ANXA6: variants seen among roughly 807,000 people sequenced by gnomAD.
ANXA6 encodes the protein 67 kDa calelectrin.
Under a neutral mutation model 95.4 loss-of-function variants are expected in ANXA6, and 71 were observed. That is an observed-to-expected ratio of 0.74 (90% CI 0.61 to 0.91). ANXA6 has a LOEUF of 0.91. ANXA6 is among the 40% of genes least tolerant of loss of function. ANXA6 has a pLI of 0.00. For synonymous variants in ANXA6, 289 were observed against 315.9 expected (o/e 0.91, Z 0.90); for missense variants, 830 against 876.4 (o/e 0.95, Z 0.67).
chr5:151,118,292 C>A (rs930091461), intron 18 of ANXA6, among the ~76,000 whole-genome samples: 1 of 150,212 alleles, frequency 6.7e-6, no homozygotes, highest in Non-Finnish European at 1.5e-5. Flanking sequence ...CAGGGTCTCA[C>A]TCTGTCACCC....
intron 20 of ANXA6, among the ~76,000 whole-genome samples, chr5:151,111,863 A>C (rs1764859216): frequency 6.6e-6 from 1 of 151,942 alleles, no homozygotes; most frequent in Non-Finnish European, 1.5e-5. Flanking sequence ...ATCTCAGCTC[A>C]CTGCAACCTC....
chr5:151,115,462 G>A (rs1302971590), intron 20 of ANXA6, among the ~76,000 whole-genome samples: 1 of 152,144 alleles, frequency 6.6e-6, no homozygotes, highest in Non-Finnish European at 1.5e-5. Flanking sequence ...CTTTTGCGAA[G>A]CAGCTGTCAG....
intron 22 of ANXA6, 81 bp from the exon 23 acceptor site, chr5:151,108,631 C>G (rs1489751610): frequency 1.7e-6 from 2 of 1,206,040 alleles, no homozygotes; most frequent in East Asian, 2.3e-5. Flanking sequence ...CCACCCAGTG[C>G]CTCCCACAGG....
At chr5:151,150,992 T>A (rs1766093810) in intron 1 of ANXA6, 1 of 152,270 alleles carries the variant, frequency 6.6e-6, no homozygotes, top group African/African-American at 2.4e-5. Context: ...CAGGCCCATC[T>A]GGAGGAGCTC....
At chr5:151,108,390 T>C (rs1211028846) in intron 23 of ANXA6, 65 bp downstream of exon 23, 4 of 1,457,754 alleles carry the variant, frequency 2.7e-6, no homozygotes, top group African/African-American at 1.4e-5. Flanking sequence ...CAAGGTTCTA[T>C]TCTTCCAGAG....
rs201133060 is a variant in ANXA6, at chr5:151,103,716, GACACAGGCGGA to G, written c.1840-35_1840-25del. On this transcript the variant is annotated intron_variant, in intron 24 of 25. Coordinates refer to ENST00000354546, the MANE Select transcript of ANXA6 (RefSeq NM_001155.5). ...CCCTGGTGGAGCCAGGCAGGAGGGA[GACACAGGCGGA>G]AGGAGAGATAGAGCCCAGTCAGGCA... The G allele has an allele frequency of 7.9e-4, 1,257 of 1,600,102 alleles. 9 individuals are homozygous for G. The African/African-American group carries it at 0.014, about 18-fold the overall frequency.
At chr5:151,120,434 A>AC (rs1765135025) in intron 17 of ANXA6, among the ~76,000 whole-genome samples, 1 of 143,562 alleles carries the variant, frequency 7.0e-6, no homozygotes, top group Admixed American at 7.2e-5. Context: ...AAAAAAAAAA[A>AC]GTCCGGGCGT....
intron 8 of ANXA6, 26 bp from the exon 9 acceptor site, chr5:151,133,213 C>T (rs749691627): frequency 9.8e-6 from 15 of 1,530,620 alleles, no homozygotes; most frequent in African/African-American, 1.4e-5. Flanking sequence ...TGGCACTTGA[C>T]TGAAAGAGGA....
In ANXA6 at chr5:151,138,670, C is replaced by G. The variant is rs1461905632; in HGVS notation, c.318+8G>C. On this transcript the variant is annotated splice_region_variant and intron_variant, in intron 5 of 25. Transcript: ENST00000354546. ...CACCCCAACACCACATACACCCCCA[C>G]TTCTTACCGAGATGGCATCTTTAAT... 6.2e-7 allele frequency: 1 copy of G among 1,606,244 alleles called. No individual in the cohort carries two copies. Among genetic ancestry groups the G allele is most frequent in the Admixed American group, 1.7e-5 (1 of 59,874 alleles).
chr5:151,110,547 C>G (rs927782286), intron 21 of ANXA6, 80 bp downstream of exon 21: 1 of 1,503,772 alleles, frequency 6.6e-7, no homozygotes, highest in Non-Finnish European at 9.2e-7. Flanking sequence ...AATCACTGCT[C>G]GATACTGCCC....
chr5:151,141,828 G>C (rs552182828), intron 2 of ANXA6: 18 of 619,138 alleles, frequency 2.9e-5, no homozygotes, highest in African/African-American at 2.2e-4. Context: ...ACCCAGAGCA[G>C]GGCGCCTTGC....
intron 8 of ANXA6, among the ~76,000 whole-genome samples, chr5:151,133,561 T>G (rs10440734): frequency 0.48 from 72,918 of 152,014 alleles, 18,730 homozygotes; most frequent in African/African-American, 0.67. Flanking sequence ...TATCCAAACA[T>G]AAATAATCAT....
In ANXA6 at chr5:151,110,354, C is replaced by T. The variant is rs1018497091; in HGVS notation, c.1590+273G>A. 2.0e-5 allele frequency among the ~76,000 whole-genome samples: 3 copies of T among 152,330 alleles called. No homozygotes were observed. The Middle Eastern group carries it at 0.01, about 518-fold the overall frequency. Reference sequence around the variant, plus strand: ...GTTCTATTTATACTGATAGTAAATTCCCCTTAACTCATTTTGGGTTTAAGA... The same window carrying T: ...GTTCTATTTATACTGATAGTAAATTTCCCTTAACTCATTTTGGGTTTAAGA... On this transcript the variant is annotated intron_variant, in intron 21 of 25. Coordinates refer to ENST00000354546, the MANE Select transcript of ANXA6 (RefSeq NM_001155.5).
chr5:151,132,647 G>T, intron 9 of ANXA6, 76 bp from the exon 10 acceptor site: 1 of 1,263,552 alleles, frequency 7.9e-7, no homozygotes. Context: ...TTCAAGAGCA[G>T]GGGGGCACAG....
intron 4 of ANXA6, 54 bp downstream of exon 4, chr5:151,139,299 A>T: frequency 7.7e-7 from 1 of 1,297,780 alleles, no homozygotes; most frequent in Non-Finnish European, 1.1e-6. Context: ...CACACAGGTG[A>T]ATGAAATCAT....
In ANXA6 at chr5:151,126,443, C is replaced by T; in HGVS notation, c.1015G>A (p.Ala339Thr). ...GQFFPEAAQVAYQMWELSAVA... is the reference protein window; with the variant it reads ...GQFFPEAAQVTYQMWELSAVA... Reference sequence around the variant, plus strand: ...GCACTAAGTTCCCACATCTGATAGGCCACCTGCGCTGCCTCCGGGAAGAAC... The same window carrying T: ...GCACTAAGTTCCCACATCTGATAGGTCACCTGCGCTGCCTCCGGGAAGAAC... Residue 339 changes from alanine to threonine, a missense_variant, in exon 14 of 26, where the codon GCC becomes ACC. Physicochemically the swap from Ala to Thr is moderately conservative, Grantham distance 58. Coordinates refer to ENST00000354546, the MANE Select transcript of ANXA6 (RefSeq NM_001155.5). 6.2e-7 allele frequency: 1 copy of T among 1,611,074 alleles called. No individual in the cohort carries two copies. The highest frequency in any genetic ancestry group is 8.5e-7 in the Non-Finnish European group (1 of 1,178,732).
intron 22 of ANXA6, among the ~76,000 whole-genome samples, chr5:151,109,325 C>T (rs1764784274): frequency 6.6e-6 from 1 of 152,192 alleles, no homozygotes; most frequent in Non-Finnish European, 1.5e-5. Context: ...TACAGGTGTG[C>T]CCTGAGCATG....
intron 14 of ANXA6, 110 bp from the exon 15 acceptor site, chr5:151,124,477 G>C: frequency 1.0e-6 from 1 of 983,242 alleles, no homozygotes; most frequent in Non-Finnish European, 1.6e-6. Flanking sequence ...CAAACCAAGC[G>C]GCGTGGGTGG....
chr5:151,149,143 T>C (rs1325739573), intron 1 of ANXA6, among the ~76,000 whole-genome samples: 5 of 131,826 alleles, frequency 3.8e-5, no homozygotes, highest in Non-Finnish European at 7.6e-5. Context: ...GTTGCACCAC[T>C]GCACTCCAGC....
Sources: allele counts gnomAD v4.1 joint callset (sites outside exome capture counted in the v4.1 genomes callset), GRCh38; gene constraint gnomAD v4.1.1; transcripts MANE v1.5; gene names NCBI Gene and HGNC (gene_info 2026-07-23, HGNC 2026-07-21).